Variants in GARIN3 observed in about 807,000 individuals in gnomAD.
The protein encoded by GARIN3 is Golgi-associated RAB2 interactor protein 3.
chr5:157,163,177 G>GC, the GARIN3 span: 1 of 1,614,120 alleles, frequency 6.2e-7, no homozygotes, highest in South Asian at 1.1e-5. Context: ...GAGACTGGCG[G>GC]CCCCCGCCAT....
chr5:157,162,804 G>A, the GARIN3 span: 42 of 1,614,170 alleles, frequency 2.6e-5, no homozygotes, highest in East Asian at 2.0e-4. Context: ...TGCCCCTTAC[G>A]TTGCTGTACC....
chr5:157,165,103 A>G, the GARIN3 span, among the ~76,000 whole-genome samples: 33 of 152,190 alleles, frequency 2.2e-4, no homozygotes, highest in Non-Finnish European at 3.8e-4. Context: ...GGGATGGGAA[A>G]TTACTTAGTG....
At chr5:157,165,078 G>T in the GARIN3 span, among the ~76,000 whole-genome samples, 2 of 152,144 alleles carry the variant, frequency 1.3e-5, no homozygotes, top group African/African-American at 4.8e-5. Context: ...GACTCAGAAG[G>T]GTTGGAGGGG....
chr5:157,165,454 A>G, the GARIN3 span: 2 of 1,492,684 alleles, frequency 1.3e-6, no homozygotes, highest in Non-Finnish European at 1.8e-6. Flanking sequence ...TGCACATGCA[A>G]TACTTTTTCC....
the GARIN3 span, chr5:157,163,083 T>C: frequency 1.9e-6 from 3 of 1,614,260 alleles, no homozygotes; most frequent in South Asian, 1.1e-5. Flanking sequence ...GGGGTCCCAC[T>C]GCTGGTCCTT....
the GARIN3 span, chr5:157,163,164 G>A: frequency 6.2e-7 from 1 of 1,614,130 alleles, no homozygotes; most frequent in South Asian, 1.1e-5. Context: ...TGCTGTCTTG[G>A]GAGAGACTGG....
At chr5:157,164,043 C>T in the GARIN3 span, among the ~76,000 whole-genome samples, 1 of 147,976 alleles carries the variant, frequency 6.8e-6, no homozygotes, top group Non-Finnish European at 1.5e-5. Flanking sequence ...GCCTAGGCAA[C>T]AGAGTGAGAC....
the GARIN3 span, chr5:157,162,597 TC>T: frequency 6.2e-7 from 1 of 1,614,190 alleles, no homozygotes; most frequent in Non-Finnish European, 8.5e-7. Flanking sequence ...TATCTACCTC[TC>T]TGTCATGTGA....
At chr5:157,163,782 G>T in the GARIN3 span, 1 of 1,318,234 alleles carries the variant, frequency 7.6e-7, no homozygotes, top group Non-Finnish European at 1.0e-6. Context: ...TGGGTCGGGT[G>T]TGGTGGCTCA....
chr5:157,163,401 T>C, the GARIN3 span: 9 of 1,614,200 alleles, frequency 5.6e-6, no homozygotes, highest in Non-Finnish European at 7.6e-6. Flanking sequence ...CAGGACTCAT[T>C]GCTGCCCCTG....
the GARIN3 span, chr5:157,162,204 G>T: frequency 1.2e-5 from 7 of 563,616 alleles, no homozygotes; most frequent in Middle Eastern, 4.8e-4. Flanking sequence ...TCTGCTGGCC[G>T]TGGGCGGGTG....
chr5:157,164,880 C>T, the GARIN3 span, among the ~76,000 whole-genome samples: 1 of 151,808 alleles, frequency 6.6e-6, no homozygotes, highest in Non-Finnish European at 1.5e-5. Context: ...ATTAGTTGGA[C>T]GTGGTGGCAG....
chr5:157,163,239 G>T, the GARIN3 span: 15 of 1,614,080 alleles, frequency 9.3e-6, no homozygotes, highest in East Asian at 1.6e-4. Context: ...CCAAGGCCAA[G>T]CTAATACCCT....
the GARIN3 span, chr5:157,166,123 A>T: frequency 6.2e-7 from 1 of 1,614,056 alleles, no homozygotes; most frequent in African/African-American, 1.3e-5. Flanking sequence ...CTCATTGAAG[A>T]GTAGCTGTGG....
chr5:157,163,354 G>A, the GARIN3 span: 4 of 1,613,910 alleles, frequency 2.5e-6, no homozygotes, highest in African/African-American at 5.3e-5. Context: ...ACCTGGGCCT[G>A]CAGATTTGGT....
the GARIN3 span, chr5:157,166,174 T>A: frequency 6.2e-7 from 1 of 1,601,962 alleles, no homozygotes; most frequent in Non-Finnish European, 8.5e-7. Context: ...CTCATGGTTC[T>A]CTTCGTTTAA....
At chr5:157,162,767 A>T in the GARIN3 span, 1 of 1,614,068 alleles carries the variant, frequency 6.2e-7, no homozygotes, top group Non-Finnish European at 8.5e-7. Context: ...CTGTGGGTGG[A>T]GCTCTTGCGA....
At chr5:157,163,426 G>T in the GARIN3 span, 6 of 1,614,090 alleles carry the variant, frequency 3.7e-6, no homozygotes, top group Middle Eastern at 1.6e-4. Context: ...TGCCACATCT[G>T]TTCTAGGTCC....
At chr5:157,163,231 A>G in the GARIN3 span, 3 of 1,614,000 alleles carry the variant, frequency 1.9e-6, no homozygotes, top group Admixed American at 1.7e-5. Context: ...AGCACCCACC[A>G]AGGCCAAGCT....
Sources: gnomAD v4.1 joint callset for allele counts (sites outside exome capture counted in the v4.1 genomes callset) on GRCh38, gnomAD v4.1.1 for gene constraint, MANE v1.5 for transcripts, NCBI Gene and HGNC (gene_info 2026-07-23, HGNC 2026-07-21) for gene names.